ELMO1: variants seen among roughly 807,000 people sequenced by gnomAD.
ELMO1 encodes the protein engulfment and cell motility protein 1.
Under a neutral mutation model 98.9 loss-of-function variants are expected in ELMO1, and 26 were observed. The ratio of observed to expected loss-of-function variants is 0.26; its 90% CI spans 0.19 to 0.36. The LOEUF is 0.36. Among genes scored for constraint, ELMO1 ranks in the 10% least tolerant of loss-of-function variants. ELMO1 has a pLI of 1.00. For missense variants in ELMO1, 627 were observed against 935.2 expected, an observed-to-expected ratio of 0.67 and a Z score of 4.30; for synonymous variants, 346 against 346.0, an observed-to-expected ratio of 1.00 and a Z score of 0.00.
intron 16 of ELMO1, among the ~76,000 whole-genome samples, chr7:36,961,097 T>C (rs1309886545): frequency 1.3e-5 from 2 of 152,222 alleles, no homozygotes; most frequent in African/African-American, 4.8e-5. Context: ...CAGTCATTGA[T>C]GCCATATCAA....
intron 13 of ELMO1, among the ~76,000 whole-genome samples, chr7:37,182,464 T>TCTAC: frequency 1.0e-5 from 1 of 97,972 alleles, no homozygotes; most frequent in African/African-American, 4.3e-5. Flanking sequence ...GTGCTCTACT[T>TCTAC]TTTTTTTTTT....
intron 5 of ELMO1, 120 bp from the exon 6 acceptor site, chr7:37,259,470 T>C: frequency 9.0e-7 from 1 of 1,108,580 alleles, no homozygotes; most frequent in South Asian, 1.6e-5. Flanking sequence ...ATCTGCATAT[T>C]ACAGAGTGGG....
chr7:36,985,045 C>T, intron 16 of ELMO1: 1 of 985,346 alleles, frequency 1.0e-6, no homozygotes. Flanking sequence ...TTCTCGTTCC[C>T]CACGCTGCCC....
chr7:37,348,981 AAAT>A (rs1801137320), intron 1 of ELMO1, among the ~76,000 whole-genome samples: 1 of 152,194 alleles, frequency 6.6e-6, no homozygotes, highest in Non-Finnish European at 1.5e-5. Context: ...ACTGAGAAAA[AAAT>A]TAAGCCTGTA....
intron 16 of ELMO1, among the ~76,000 whole-genome samples, chr7:36,896,603 T>C (rs988666942): frequency 6.6e-6 from 1 of 152,206 alleles, no homozygotes; most frequent in South Asian, 2.1e-4. Context: ...GCATAAGCAT[T>C]GTTTCATGCC....
chr7:36,892,428 T>C (rs1464654131), intron 17 of ELMO1, among the ~76,000 whole-genome samples: 2 of 151,266 alleles, frequency 1.3e-5, no homozygotes, highest in Admixed American at 6.6e-5. Context: ...GCCCAGTCTA[T>C]GGTAAATCCC....
At chr7:37,276,920 T>C (rs1796867612) in intron 4 of ELMO1, among the ~76,000 whole-genome samples, 1 of 152,216 alleles carries the variant, frequency 6.6e-6, no homozygotes, top group East Asian at 1.9e-4. Context: ...CCTCGGAGCA[T>C]CAATAAGTGC....
intron 15 of ELMO1, among the ~76,000 whole-genome samples, chr7:37,061,148 T>TG (rs988343926): frequency 9.2e-5 from 14 of 152,130 alleles, no homozygotes; most frequent in Non-Finnish European, 1.6e-4. Flanking sequence ...TTAATGGGGA[T>TG]GGGGGGCGTC....
At chr7:37,204,007 C>T (rs1792455749) in intron 13 of ELMO1, 1 of 438,234 alleles carries the variant, frequency 2.3e-6, no homozygotes, top group Admixed American at 2.5e-5. Flanking sequence ...GGCAGCCACG[C>T]TAGTCGCTTT....
At chr7:37,196,690 T>G (rs961982964) in intron 13 of ELMO1, among the ~76,000 whole-genome samples, 5 of 152,250 alleles carry the variant, frequency 3.3e-5, no homozygotes, top group Admixed American at 6.5e-5. Flanking sequence ...AACCTGCGAC[T>G]AAACAACTTG....
intron 16 of ELMO1, among the ~76,000 whole-genome samples, chr7:36,975,173 T>C (rs756913512): frequency 6.6e-6 from 1 of 152,182 alleles, no homozygotes; most frequent in Admixed American, 6.5e-5. Context: ...AGTCAACAGA[T>C]GAAATTTTTC....
intron 21 of ELMO1, among the ~76,000 whole-genome samples, chr7:36,860,997 T>A (rs574357492): frequency 6.6e-6 from 1 of 152,352 alleles, no homozygotes; most frequent in African/African-American, 2.4e-5. Flanking sequence ...AAAACAAAAA[T>A]TTGAATGGTA....
Position 36,870,327 on chromosome 7 carries a change from A to G in ELMO1, c.1905+66T>C. 3 of 1,428,294 alleles carry G rather than the reference A, an allele frequency of 2.1e-6. No individual in the cohort carries two copies. The South Asian group carries it at 3.5e-5, about 17-fold the overall frequency. 88.5% of individuals were successfully genotyped at this position (1,428,294 alleles called of 1,614,324 possible). ...ACGAACACTGCTATAAAGGAGGGCT[A>G]GGCTGGCTGCAGTTGCCGACCGCAC... is the stretch of plus-strand genomic sequence containing the variant. On this transcript the variant is annotated intron_variant, in intron 20 of 21. Coordinates refer to ENST00000310758, the MANE Select transcript of ELMO1 (RefSeq NM_014800.11). The surrounding 1 kb of genome is among the most constrained non-coding windows in gnomAD (Gnocchi z 4.4).
chr7:37,052,060 T>C (rs1329447696), intron 15 of ELMO1, among the ~76,000 whole-genome samples: 1 of 152,238 alleles, frequency 6.6e-6, no homozygotes. Context: ...TCCTTTTAAT[T>C]CTGAGATCTC....
chr7:36,997,581 A>ACAGAAG (rs1224752643), intron 16 of ELMO1, among the ~76,000 whole-genome samples: 2 of 152,182 alleles, frequency 1.3e-5, no homozygotes, highest in African/African-American at 4.8e-5. Flanking sequence ...GTTAGAGCCC[A>ACAGAAG]CAGAAGCAGC....
chr7:37,124,821 T>C (rs1211649122), intron 14 of ELMO1, among the ~76,000 whole-genome samples: 1 of 152,220 alleles, frequency 6.6e-6, no homozygotes, highest in East Asian at 1.9e-4. Flanking sequence ...AGAGCCCACA[T>C]TGCCAAGTCA....
intron 1 of ELMO1, chr7:37,376,152 T>C (rs1299266826): frequency 3.4e-6 from 1 of 298,294 alleles, no homozygotes; most frequent in African/African-American, 2.2e-5. Flanking sequence ...CCAATTCAGT[T>C]AGCAAGGTAT....
At chr7:37,197,423 G>A (rs908389737) in intron 13 of ELMO1, among the ~76,000 whole-genome samples, 12 of 152,204 alleles carry the variant, frequency 7.9e-5, no homozygotes, top group Non-Finnish European at 1.5e-4. Context: ...CGGCAGACGT[G>A]AAACAGACAT....
At chr7:36,908,106 T>C (rs1784090516) in intron 16 of ELMO1, among the ~76,000 whole-genome samples, 1 of 152,238 alleles carries the variant, frequency 6.6e-6, no homozygotes, top group African/African-American at 2.4e-5. Context: ...AGAATTTCTA[T>C]ATCACTTCCC....
Sources: allele counts gnomAD v4.1 joint callset (sites outside exome capture counted in the v4.1 genomes callset), GRCh38; gene constraint gnomAD v4.1.1; non-coding constraint Gnocchi (gnomAD v3.1); transcripts MANE v1.5; gene names NCBI Gene and HGNC (gene_info 2026-07-23, HGNC 2026-07-21).